GALNT2: variants seen among roughly 807,000 people sequenced by gnomAD.
The protein encoded by GALNT2 is UDP-GalNAc:polypeptide N-acetylgalactosaminyltransferase 2.
GALNT2 carries 31 observed loss-of-function variants against 81.4 expected under a neutral mutation model. The observed-to-expected ratio is 0.38, with a 90% CI of 0.29 to 0.51. The LOEUF (loss-of-function observed/expected upper bound fraction) is 0.51, where lower values mean the gene tolerates loss of function less well. Ranked by LOEUF, GALNT2 falls within the 20% of genes least tolerant of loss-of-function variation. GALNT2 has a pLI of 0.87. For synonymous variants in GALNT2, 303 were observed against 287.4 expected, an observed-to-expected ratio of 1.05 and a Z score of -0.55; for missense variants, 629 against 765.7, an observed-to-expected ratio of 0.82 and a Z score of 2.11.
intron 3 of GALNT2, among the ~76,000 whole-genome samples, chr1:230,204,642 T>C (rs1212026671): frequency 6.6e-6 from 1 of 152,164 alleles, no homozygotes; most frequent in Admixed American, 6.5e-5. Context: ...AGAACCTTGA[T>C]TGGGAGGTCT....
At chr1:230,202,591 C>G (rs373657746) in intron 2 of GALNT2, among the ~76,000 whole-genome samples, 3 of 152,214 alleles carry the variant, frequency 2.0e-5, no homozygotes, top group African/African-American at 4.8e-5. Flanking sequence ...ACTTTCTCCC[C>G]GTGGGGTCAG....
chr1:230,136,177 C>G (rs1294850843), intron 1 of GALNT2, among the ~76,000 whole-genome samples: 2 of 152,168 alleles, frequency 1.3e-5, no homozygotes, highest in Non-Finnish European at 2.9e-5. Flanking sequence ...TGGAGGGTGA[C>G]AGAGCAGAGG....
chr1:230,204,776 A>G (rs994316343), intron 3 of GALNT2, among the ~76,000 whole-genome samples: 2 of 152,222 alleles, frequency 1.3e-5, no homozygotes, highest in Non-Finnish European at 2.9e-5. Flanking sequence ...AGAGTCATTC[A>G]TTCATCAGTG....
chr1:230,264,836 C>G (rs533521694), intron 13 of GALNT2: 1 of 158,186 alleles, frequency 6.3e-6, no homozygotes, highest in African/African-American at 2.4e-5. Flanking sequence ...GCCCACCTTT[C>G]CCGTCTTTAC....
intron 1 of GALNT2, among the ~76,000 whole-genome samples, chr1:230,153,816 G>A (rs560092862): frequency 6.6e-6 from 1 of 152,344 alleles, no homozygotes; most frequent in South Asian, 2.1e-4. Context: ...GGGGGCCCCT[G>A]GTTGGTGGCA....
In GALNT2 at chr1:230,203,179, G is replaced by C. The variant is rs757194280; in HGVS notation, c.263G>C (p.Gly88Ala). Reference protein sequence around the residue: ...WPDFNQEAYVGGTMVRSGQDP... With the variant: ...WPDFNQEAYVAGTMVRSGQDP... ...GACTTTAACCAGGAAGCTTATGTTG[G>C]AGGGACGATGGTCCGCTCCGGGCAG... The change falls in exon 3 of 16, where the codon GGA becomes GCA. Residue 88 changes from glycine (G) to alanine (A), a missense_variant. By Grantham distance (60) the Gly-to-Ala change is moderately conservative. Coordinates refer to ENST00000366672, the MANE Select transcript of GALNT2 (RefSeq NM_004481.5). 3 of 1,614,170 alleles carry C rather than the reference G, an allele frequency of 1.9e-6. No homozygotes were observed. The Admixed American group carries it at 5.0e-5, about 27-fold the overall frequency.
chr1:230,178,445 A>C, intron 2 of GALNT2, 134 bp downstream of exon 2: 1 of 619,144 alleles, frequency 1.6e-6, no homozygotes, highest in Non-Finnish European at 2.7e-6. Context: ...GCCCTAAAGC[A>C]CTGCTTTGCC....
intron 1 of GALNT2, among the ~76,000 whole-genome samples, chr1:230,083,956 A>G (rs1219687413): frequency 6.6e-6 from 1 of 152,184 alleles, no homozygotes; most frequent in Non-Finnish European, 1.5e-5. Context: ...AGCCGTGGAC[A>G]GGCCTGAGCT....
intron 1 of GALNT2, among the ~76,000 whole-genome samples, chr1:230,164,492 A>C (rs1036565344): frequency 6.6e-6 from 1 of 151,022 alleles, no homozygotes; most frequent in Non-Finnish European, 1.5e-5. Context: ...GCATCCGATC[A>C]TGTGATCTCT....
chr1:230,208,340 A>G (rs1664129837), intron 3 of GALNT2, among the ~76,000 whole-genome samples: 1 of 152,170 alleles, frequency 6.6e-6, no homozygotes, highest in African/African-American at 2.4e-5. Context: ...GAGGGTGCCA[A>G]GGATTGTGGC....
intron 3 of GALNT2, among the ~76,000 whole-genome samples, chr1:230,232,432 G>A (rs149641171): frequency 2.0e-5 from 3 of 152,296 alleles, no homozygotes; most frequent in African/African-American, 7.2e-5. Flanking sequence ...TGGGAGATGA[G>A]GCTTCCTGCA....
chr1:230,149,905 C>T (rs553972126), intron 1 of GALNT2, among the ~76,000 whole-genome samples: 1 of 152,306 alleles, frequency 6.6e-6, no homozygotes, highest in Non-Finnish European at 1.5e-5. Context: ...CAGGGCTTCT[C>T]CGGTGGCCAT....
intron 3 of GALNT2, among the ~76,000 whole-genome samples, chr1:230,210,001 A>G (rs759736669): frequency 7.2e-5 from 11 of 152,166 alleles, no homozygotes; most frequent in Non-Finnish European, 1.3e-4. Context: ...GCTCTTCTGA[A>G]GCCTCTCCCC....
At chr1:230,136,396 G>A (rs1455645725) in intron 1 of GALNT2, among the ~76,000 whole-genome samples, 1 of 152,148 alleles carries the variant, frequency 6.6e-6, no homozygotes. Context: ...TGTTCCTGGT[G>A]GCCTGAGTTG....
At chr1:230,209,005 T>C (rs1285905835) in intron 3 of GALNT2, among the ~76,000 whole-genome samples, 4 of 152,000 alleles carry the variant, frequency 2.6e-5, no homozygotes, top group African/African-American at 9.7e-5. Context: ...CAGGGCTTCC[T>C]GTCAAGCCCT....
chr1:230,084,163 C>T (rs1201945901), intron 1 of GALNT2, among the ~76,000 whole-genome samples: 1 of 152,178 alleles, frequency 6.6e-6, no homozygotes, highest in East Asian at 1.9e-4. Flanking sequence ...ACAGGCTTGG[C>T]CCCTCCCACA....
chr1:230,091,192 C>T (rs1660064774), intron 1 of GALNT2, among the ~76,000 whole-genome samples: 1 of 151,978 alleles, frequency 6.6e-6, no homozygotes, highest in Admixed American at 6.6e-5. Flanking sequence ...CCTCAGCCTC[C>T]CAAGTAGCTG....
At chr1:230,114,709 C>T (rs1412273065) in intron 1 of GALNT2, among the ~76,000 whole-genome samples, 2 of 152,158 alleles carry the variant, frequency 1.3e-5, no homozygotes, top group African/African-American at 4.8e-5. Context: ...TGGTCCAGAA[C>T]GCTGAATTGA....
At position 230,274,499 on chromosome 1, in the gene GALNT2, G is replaced by A; in HGVS notation, c.1495G>A (p.Val499Met). The change falls in exon 15 of 16, where the codon GTG (valine) becomes ATG (methionine). Residue 499 changes from valine to methionine, a missense_variant. This residue lies in a region of GALNT2 where 207 missense variants were observed against 225.5 expected (regional missense o/e 0.92). Transcript: ENST00000366672. ...GAAGCACATGGATTTGTGCCTTACT[G>A]TGGTGGACCGGGCACCGGGCTCTCT... The part of the protein sequence containing the change: ...SVKHMDLCLT[V>M]VDRAPGSLIK... 2 of 1,614,050 alleles carry A rather than the reference G, an allele frequency of 1.2e-6. No homozygotes were observed. Among genetic ancestry groups the A allele is most frequent in the African/African-American group, 1.3e-5 (1 of 75,064 alleles).
Sources: allele counts gnomAD v4.1 joint callset (sites outside exome capture counted in the v4.1 genomes callset), GRCh38; gene constraint gnomAD v4.1.1; regional missense constraint gnomAD v4.1.1; transcripts MANE v1.5; gene names NCBI Gene and HGNC (gene_info 2026-07-23, HGNC 2026-07-21).